Variants in SYT16 observed in about 807,000 individuals in gnomAD.
SYT16 encodes synaptotagmin 16, also known as synaptotagmin-16.
In SYT16, 42 loss-of-function variants were observed where a neutral mutation model predicts 61.4. The observed-to-expected ratio is 0.68, with a 90% CI of 0.53 to 0.89. The LOEUF (loss-of-function observed/expected upper bound fraction) is 0.89, where lower values mean the gene tolerates loss of function less well. SYT16 is among the 40% of genes least tolerant of loss of function. The pLI, the probability that SYT16 is intolerant of heterozygous loss-of-function variation, is 0.00. For synonymous variants in SYT16, 314 were observed against 302.3 expected (o/e 1.04, Z -0.40); for missense variants, 804 against 807.3 (o/e 1.00, Z 0.05).
intron 3 of SYT16, among the ~76,000 whole-genome samples, chr14:62,044,193 C>A (rs1216444223): frequency 6.7e-6 from 1 of 149,098 alleles, no homozygotes; most frequent in African/African-American, 2.5e-5. Flanking sequence ...GAGCAAGACC[C>A]TGTCTTTGAA....
intron 1 of SYT16, among the ~76,000 whole-genome samples, chr14:61,819,695 A>G (rs2045554717): frequency 1.3e-5 from 2 of 152,226 alleles, no homozygotes; most frequent in Non-Finnish European, 1.5e-5. Flanking sequence ...GAGGTTTTCA[A>G]TTGGCTTAGC....
At chr14:62,096,905 T>A (rs1342391252) in intron 7 of SYT16, among the ~76,000 whole-genome samples, 1 of 152,192 alleles carries the variant, frequency 6.6e-6, no homozygotes, top group African/African-American at 2.4e-5. Context: ...TTTTCATATA[T>A]GTTTAAAATT....
intron 1 of SYT16, 79 bp from the exon 2 acceptor site, chr14:61,970,053 A>T (rs996486734): frequency 6.6e-6 from 1 of 152,224 alleles, no homozygotes; most frequent in Non-Finnish European, 1.5e-5. Context: ...TCTGAATAGC[A>T]TTGATCACAA....
intron 1 of SYT16, chr14:61,864,760 T>G: frequency 1.0e-6 from 1 of 961,876 alleles, no homozygotes; most frequent in Non-Finnish European, 1.6e-6. Context: ...TAATGACGCA[T>G]GTGGCTGGCC....
chr14:61,824,127 C>G (rs989016978), intron 1 of SYT16, among the ~76,000 whole-genome samples: 2 of 152,122 alleles, frequency 1.3e-5, no homozygotes, highest in Non-Finnish European at 2.9e-5. Flanking sequence ...AGCACTGTGG[C>G]CCGAGTCCCA....
At chr14:61,926,566 A>T (rs1442040746) in intron 1 of SYT16, among the ~76,000 whole-genome samples, 1 of 152,174 alleles carries the variant, frequency 6.6e-6, no homozygotes, top group Non-Finnish European at 1.5e-5. Flanking sequence ...GAAGGACAGC[A>T]CCTTGGACTC....
chr14:61,819,048 C>T (rs2045534113), intron 1 of SYT16, among the ~76,000 whole-genome samples: 1 of 152,184 alleles, frequency 6.6e-6, no homozygotes, highest in Admixed American at 6.5e-5. Context: ...GTTTTCATTT[C>T]ACCATGGCAT....
intron 1 of SYT16, among the ~76,000 whole-genome samples, chr14:61,923,067 A>G (rs1207514749): frequency 6.7e-6 from 1 of 148,332 alleles, no homozygotes; most frequent in Non-Finnish European, 1.5e-5. Context: ...AAAAAAAAAA[A>G]TGAAGTGGAC....
chr14:62,075,618 A>AG (rs1302531721), intron 5 of SYT16, among the ~76,000 whole-genome samples: 1 of 134,770 alleles, frequency 7.4e-6, no homozygotes, highest in African/African-American at 3.1e-5. Context: ...AAAAAAAAAA[A>AG]AGAAAAAAAG....
chr14:61,895,307 A>G (rs1461724321), intron 1 of SYT16, among the ~76,000 whole-genome samples: 2 of 152,202 alleles, frequency 1.3e-5, no homozygotes, highest in Non-Finnish European at 2.9e-5. Context: ...TCTGGCTTCC[A>G]AATCTAGAGC....
Position 61,970,196 on chromosome 14 carries a change from C to A in SYT16, c.-260C>A, listed in dbSNP as rs1473733261. 2 of 152,184 alleles carry A rather than the reference C, an allele frequency of 1.3e-5. No homozygotes were observed. Among genetic ancestry groups the A allele is most frequent in the Admixed American group, 6.6e-5 (1 of 15,264 alleles). 9.4% of individuals were successfully genotyped at this position (152,184 alleles called of 1,614,324 possible). ...TCTTTATTGTTCTTCTGGCCGTCCT[C>A]TTCCTCTTCATCAACAAGAAGCTGT... On this transcript the variant is annotated 5_prime_UTR_variant, in exon 2 of 8. Coordinates refer to ENST00000683842, the MANE Select transcript of SYT16 (RefSeq NM_001367656.1).
At chr14:61,989,511 C>T (rs1414849135) in intron 2 of SYT16, among the ~76,000 whole-genome samples, 4 of 152,078 alleles carry the variant, frequency 2.6e-5, no homozygotes, top group East Asian at 1.9e-4. Context: ...TGCAGTGAGC[C>T]GAGATCATGC....
chr14:62,053,803 A>G (rs1459441009), intron 3 of SYT16, among the ~76,000 whole-genome samples: 1 of 152,204 alleles, frequency 6.6e-6, no homozygotes, highest in Non-Finnish European at 1.5e-5. Flanking sequence ...AATGAATGGA[A>G]CAAAAGGCAT....
chr14:61,883,719 A>G (rs1487185824), intron 1 of SYT16, among the ~76,000 whole-genome samples: 2 of 152,150 alleles, frequency 1.3e-5, no homozygotes, highest in Non-Finnish European at 2.9e-5. Flanking sequence ...AATTTACTGT[A>G]TTAGTCTGTT....
intron 2 of SYT16, among the ~76,000 whole-genome samples, chr14:61,978,348 C>T (rs941876679): frequency 6.6e-6 from 1 of 152,116 alleles, no homozygotes; most frequent in African/African-American, 2.4e-5. Flanking sequence ...CACTGGTATT[C>T]CACACTCCTC....
chr14:61,817,419 CA>C (rs58438991), intron 1 of SYT16, among the ~76,000 whole-genome samples: 6,579 of 82,436 alleles, frequency 0.08, 189 homozygotes, highest in African/African-American at 0.16. Context: ...ACTCCATCTC[CA>C]AAAAAAAAAA....
In SYT16 at chr14:61,995,923, A is replaced by G; in HGVS notation, c.-97A>G. 3.9e-6 allele frequency: 5 copies of G among 1,290,794 alleles called. No homozygotes were observed. The highest frequency in any genetic ancestry group is 3.0e-5 in the African/African-American group (2 of 67,240). 80.0% of individuals were successfully genotyped at this position (1,290,794 alleles called of 1,614,324 possible). ...ATTCACAGCCATTAAGAGACCTCCAAATTAATTTCTCAACATGCTTATTCT... is the reference window on the plus strand; with the variant it reads ...ATTCACAGCCATTAAGAGACCTCCAGATTAATTTCTCAACATGCTTATTCT... On this transcript the variant is annotated 5_prime_UTR_variant, in exon 3 of 8. Coordinates refer to ENST00000683842, the MANE Select transcript of SYT16 (RefSeq NM_001367656.1).
chr14:61,849,655 GCA>G (rs1268422298), intron 1 of SYT16, among the ~76,000 whole-genome samples: 1 of 147,414 alleles, frequency 6.8e-6, no homozygotes, highest in East Asian at 2.0e-4. Flanking sequence ...TCCCTCAAGT[GCA>G]CAGATTCTTT....
chr14:62,067,153 T>G (rs1387775870), intron 3 of SYT16, among the ~76,000 whole-genome samples: 3 of 152,088 alleles, frequency 2.0e-5, no homozygotes, highest in African/African-American at 7.2e-5. Context: ...CACTCAGGCT[T>G]AGGAGAACTC....
Sources: gnomAD v4.1 joint callset for allele counts (sites outside exome capture counted in the v4.1 genomes callset) on GRCh38, gnomAD v4.1.1 for gene constraint, MANE v1.5 for transcripts, NCBI Gene and HGNC (gene_info 2026-07-23, HGNC 2026-07-21) for gene names.